DOCK11: variants seen among roughly 807,000 people sequenced by gnomAD.
DOCK11 encodes the protein dedicator of cytokinesis 11, also known as dedicator of cytokinesis protein 11.
A neutral mutation model predicts 169.1 loss-of-function variants in DOCK11; 70 were observed. That is an observed-to-expected ratio of 0.41 (90% CI 0.34 to 0.51). The LOEUF (loss-of-function observed/expected upper bound fraction) is 0.51. Among genes scored for constraint, DOCK11 ranks in the 20% least tolerant of loss-of-function variants. The pLI is 0.10. For missense variants in DOCK11, 1,166 were observed against 1,538.8 expected (o/e 0.76, Z 4.05); for synonymous variants, 529 against 541.3 (o/e 0.98, Z 0.32).
At chrX:118,605,678 G>T (rs1374636559) in intron 24 of DOCK11, among the ~76,000 whole-genome samples, 1 of 111,915 alleles carries the variant, frequency 8.9e-6, no homozygotes, top group Non-Finnish European at 1.9e-5. Context: ...AGGGCTTGTT[G>T]TGTGGCCTAA....
intron 30 of DOCK11, among the ~76,000 whole-genome samples, chrX:118,618,029 TC>T (rs1361737780): frequency 8.9e-6 from 1 of 112,170 alleles, no homozygotes. Flanking sequence ...TGTTCTTATG[TC>T]CCATGTATAT....
At chrX:118,615,461 C>CT (rs1298876559) in intron 29 of DOCK11, 139 bp from the exon 30 acceptor site, 5 of 447,889 alleles carry the variant, frequency 1.1e-5, no homozygotes, top group African/African-American at 2.5e-5. Flanking sequence ...TATGTTAACT[C>CT]TTTCCTGCAC....
At chrX:118,619,497 A>AAATATAT (rs1556312710) in intron 31 of DOCK11, among the ~76,000 whole-genome samples, 3 of 90,854 alleles carry the variant, frequency 3.3e-5, no homozygotes, top group African/African-American at 1.2e-4. Flanking sequence ...AAAAAAAAAA[A>AAATATAT]ATATATATAT....
intron 19 of DOCK11, among the ~76,000 whole-genome samples, chrX:118,591,999 A>C (rs189232061): frequency 9.3e-6 from 1 of 107,340 alleles, no homozygotes; most frequent in Non-Finnish European, 1.9e-5. Flanking sequence ...TCCATGGTGT[A>C]TATGTGCCAC....
intron 32 of DOCK11, 99 bp downstream of exon 32, chrX:118,624,754 C>CTTTTTTT (rs368211104): frequency 1.7e-5 from 4 of 233,144 alleles, no homozygotes; most frequent in East Asian, 7.7e-5. Flanking sequence ...TAAGAGTTCA[C>CTTTTTTT]TTTTTTTTTT....
At chrX:118,529,896 A>G (rs1216325268) in intron 1 of DOCK11, among the ~76,000 whole-genome samples, 1 of 111,460 alleles carries the variant, frequency 9.0e-6, no homozygotes, top group Non-Finnish European at 1.9e-5. Context: ...TGATTGGAGG[A>G]CATGGGGCTG....
intron 1 of DOCK11, among the ~76,000 whole-genome samples, chrX:118,505,478 A>C (rs1318254578): frequency 4.4e-5 from 5 of 112,491 alleles, no homozygotes; most frequent in Non-Finnish European, 7.5e-5. Flanking sequence ...GTTACAAGTC[A>C]GCAGACAGAA....
chrX:118,537,527 C>T (rs2147339261), intron 1 of DOCK11, among the ~76,000 whole-genome samples: 1 of 112,218 alleles, frequency 8.9e-6, no homozygotes, highest in Non-Finnish European at 1.9e-5. Flanking sequence ...ATTCTTGTGT[C>T]TTACACATTT....
At position 118,498,754 on chromosome X, in the gene DOCK11, G is replaced by GT. The variant is rs983854470; in HGVS notation, c.102+2691dup. The stretch of plus-strand genomic sequence containing the variant: ...CAAATATACAGTATTTCCTGTTTAG[G>GT]TTTTTTTTTTATTTTTTTTTTAAGG... On this transcript the variant is annotated intron_variant, in intron 1 of 52. Coordinates refer to ENST00000276202, the MANE Select transcript of DOCK11 (RefSeq NM_144658.4). Among the ~76,000 whole-genome samples the GT allele has an allele frequency of 1.0e-4, 11 of 107,474 alleles. No homozygotes were observed. The East Asian group carries it at 1.2e-3, about 11-fold the overall frequency. 93.3% of individuals were successfully genotyped at this position (107,474 alleles called of 115,157 possible). A position where few individuals can be genotyped will look rare whatever the true frequency, so the allele number is the denominator to read the frequency against.
chrX:118,513,640 G>A (rs894803489), intron 1 of DOCK11, among the ~76,000 whole-genome samples: 1 of 112,226 alleles, frequency 8.9e-6, no homozygotes, highest in South Asian at 3.7e-4. Context: ...AAGAGTTTAC[G>A]AAATTATGTA....
chrX:118,557,556 C>G (rs1320744364), intron 6 of DOCK11, among the ~76,000 whole-genome samples: 1 of 108,855 alleles, frequency 9.2e-6, no homozygotes, highest in African/African-American at 3.3e-5. Context: ...ATCACGAGGT[C>G]AGATCGAGAC....
At chrX:118,639,972 C>CTACTGT (rs1423642378) in intron 38 of DOCK11, among the ~76,000 whole-genome samples, 3 of 111,856 alleles carry the variant, frequency 2.7e-5, no homozygotes, top group Non-Finnish European at 5.6e-5. Flanking sequence ...TTCTTCATTC[C>CTACTGT]TACTGTTAGA....
chrX:118,674,131 G>A (rs1320608083), intron 46 of DOCK11, among the ~76,000 whole-genome samples: 1 of 111,618 alleles, frequency 9.0e-6, no homozygotes, highest in Admixed American at 9.5e-5. Context: ...GACCTTTTAT[G>A]TCTGGCTTCT....
At chrX:118,664,861 G>A (rs935530462) in intron 45 of DOCK11, among the ~76,000 whole-genome samples, 2 of 111,019 alleles carry the variant, frequency 1.8e-5, no homozygotes, top group African/African-American at 3.3e-5. Flanking sequence ...ACAGAAAAGA[G>A]ATTGAAGTTA....
At chrX:118,679,225 G>A (rs1019073340) in intron 48 of DOCK11, among the ~76,000 whole-genome samples, 2 of 111,441 alleles carry the variant, frequency 1.8e-5, no homozygotes, top group African/African-American at 6.5e-5. Flanking sequence ...ACTGCAACTG[G>A]CCCCATGTAA....
chrX:118,540,997 A>G (rs999304038), intron 1 of DOCK11, among the ~76,000 whole-genome samples: 7 of 111,652 alleles, frequency 6.3e-5, no homozygotes, highest in African/African-American at 2.3e-4. Context: ...TTGAATCTGA[A>G]TATCTCAAAG....
intron 38 of DOCK11, among the ~76,000 whole-genome samples, chrX:118,640,784 G>T (rs184773390): frequency 0.01 from 702 of 68,134 alleles, 5 homozygotes; most frequent in Admixed American, 0.045. Flanking sequence ...GTTAAATACA[G>T]TATGACACTG....
In DOCK11 at chrX:118,495,867, A is replaced by C; in HGVS notation, c.-105A>C. ...CGATGTGGCCGGCCGGCCGGCGAGT[A>C]AACAGAGGGAGCAGCAGCGGCCGCG... On this transcript the variant is annotated 5_prime_UTR_variant, in exon 1 of 53. Coordinates refer to ENST00000276202, the MANE Select transcript of DOCK11 (RefSeq NM_144658.4). 3 of 324,260 alleles carry C rather than the reference A, an allele frequency of 9.3e-6. No homozygotes were observed. Among genetic ancestry groups the C allele is most frequent in the Non-Finnish European group, 8.5e-6 (2 of 234,792 alleles). The allele number at this position is 324,260 out of a possible 1,213,427, so 26.7% of individuals were successfully genotyped here. A position where few individuals can be genotyped will look rare whatever the true frequency, so the allele number is the denominator to read the frequency against.
chrX:118,540,781 G>T (rs914703887), intron 1 of DOCK11, among the ~76,000 whole-genome samples: 28 of 111,802 alleles, frequency 2.5e-4, no homozygotes, highest in African/African-American at 9.1e-4. Context: ...TGATACTAGA[G>T]ACTACCTCAA....
Sources: allele counts gnomAD v4.1 joint callset (sites outside exome capture counted in the v4.1 genomes callset), GRCh38; gene constraint gnomAD v4.1.1; transcripts MANE v1.5; gene names NCBI Gene and HGNC (gene_info 2026-07-23, HGNC 2026-07-21).